PAX4: variants seen among roughly 807,000 people sequenced by gnomAD.
PAX4 encodes paired box 4, also known as paired box protein Pax-4.
Under a neutral mutation model 40.6 loss-of-function variants are expected in PAX4, and 33 were observed. The observed-to-expected ratio is 0.81, with a 90% CI of 0.62 to 1.09. The LOEUF (loss-of-function observed/expected upper bound fraction) is 1.09, where lower values mean the gene tolerates loss of function less well. PAX4 is among the 50% of genes least tolerant of loss of function. PAX4 has a pLI of 0.00. For synonymous variants in PAX4, 174 were observed against 170.6 expected, an observed-to-expected ratio of 1.02 and a Z score of -0.16; for missense variants, 459 against 442.5, an observed-to-expected ratio of 1.04 and a Z score of -0.33.
At chr7:127,615,782 A>C (rs1029467687) in intron 3 of PAX4, 134 bp downstream of exon 3, 2 of 1,516,236 alleles carry the variant, frequency 1.3e-6, no homozygotes, top group Non-Finnish European at 1.8e-6. Context: ...ACAGGGCAGG[A>C]AGGGAGGGAC....
At position 127,614,494 on chromosome 7, in the gene PAX4, G is replaced by T; in HGVS notation, c.424C>A (p.Leu142Ile). 6.3e-7 allele frequency: 1 copy of T among 1,595,694 alleles called. No homozygotes were observed. Among genetic ancestry groups the T allele is most frequent in the Non-Finnish European group, 8.5e-7 (1 of 1,170,538 alleles). ...QEDQGLPCTR[L>I]RSPAVLAPAV... The stretch of plus-strand genomic sequence containing the variant: ...CTCCAAGACCCACCTGGTGACCTGA[G>T]CCGTGTGCACGGTAGTCCCTGGTCC... The change falls in exon 6 of 12, where the codon CTC becomes ATC. Residue 142 changes from leucine (L) to isoleucine (I), a missense_variant. Leu to Ile is a conservative substitution (Grantham distance 5, BLOSUM62 2). Coordinates refer to ENST00000639438, the MANE Select transcript of PAX4 (RefSeq NM_001366110.1).
chr7:127,616,810 T>C (rs1469990614), intron 2 of PAX4, among the ~76,000 whole-genome samples: 2 of 152,202 alleles, frequency 1.3e-5, no homozygotes, highest in African/African-American at 4.8e-5. Flanking sequence ...TTGAAGGGAA[T>C]GAGAAGCAGG....
Position 127,611,200 on chromosome 7 carries a change from A to C in PAX4, c.920T>G (p.Leu307Trp). 1 of 1,598,458 alleles carries C rather than the reference A, an allele frequency of 6.3e-7. No individual in the cohort carries two copies. Among genetic ancestry groups the C allele is most frequent in the Non-Finnish European group, 8.5e-7 (1 of 1,172,782 alleles). Residue 307 changes from leucine (L) to tryptophan (W), a missense_variant, in exon 12 of 12, where the codon TTG becomes TGG. Coordinates refer to ENST00000639438, the MANE Select transcript of PAX4 (RefSeq NM_001366110.1). ...GTCCAGGGAATTCGGCTGTGGGGGC[A>C]AGTGGCCTGTGGGGACAAATAGAGA... ...KACLKPCWGH[L>W]PPQPNSLDSG...
At chr7:127,613,406 C>G in intron 8 of PAX4, 44 bp downstream of exon 8, 1 of 1,589,756 alleles carries the variant, frequency 6.3e-7, no homozygotes, top group Non-Finnish European at 8.6e-7. Flanking sequence ...CCGGCCCAGA[C>G]TCTTCCTCCT....
intron 9 of PAX4, 27 bp downstream of exon 9, chr7:127,612,995 A>G (rs759356147): frequency 1.3e-6 from 2 of 1,571,216 alleles, no homozygotes; most frequent in Middle Eastern, 2.2e-4. Flanking sequence ...CTGAGCGGGC[A>G]GATGGATGAT....
intron 2 of PAX4, 124 bp downstream of exon 2, chr7:127,617,151 C>T (rs1324309594): frequency 6.6e-6 from 1 of 152,228 alleles, no homozygotes; most frequent in Non-Finnish European, 1.5e-5. Flanking sequence ...AAAGTCTTTG[C>T]TCTCCAACAC....
chr7:127,617,241 A>T (rs1397628917), intron 2 of PAX4, 34 bp downstream of exon 2: 1 of 152,224 alleles, frequency 6.6e-6, no homozygotes, highest in Non-Finnish European at 1.5e-5. Flanking sequence ...GAGTCTACTT[A>T]TTAAGTTCAG....
intron 9 of PAX4, 49 bp downstream of exon 9, chr7:127,612,973 A>T: frequency 7.4e-7 from 1 of 1,358,598 alleles, no homozygotes; most frequent in East Asian, 2.3e-5. Flanking sequence ...GGATGGATGG[A>T]TGGATAGATG....
At chr7:127,612,909 G>T in intron 9 of PAX4, 113 bp downstream of exon 9, 1 of 798,906 alleles carries the variant, frequency 1.3e-6, no homozygotes, top group Non-Finnish European at 2.2e-6. Context: ...TACATGGGTG[G>T]ATGGATAAAT....
chr7:127,612,660 T>G, intron 9 of PAX4, among the ~76,000 whole-genome samples: 1 of 140,884 alleles, frequency 7.1e-6, no homozygotes, highest in East Asian at 2.3e-4. Context: ...GGTGGATGGG[T>G]GGGTGTGGTG....
Position 127,611,093 on chromosome 7 carries a change from C to A in PAX4, c.1027G>T (p.Gly343Cys). Reference sequence around the variant, plus strand: ...TCCAAGCCATACAGTAGTGGGCAGCCAGGCCAGAGCAGGGCCTGAGAGCCA... The same window carrying A: ...TCCAAGCCATACAGTAGTGGGCAGCAAGGCCAGAGCAGGGCCTGAGAGCCA... ...LSGSQALLWP[G>C]CPLLYGLE Residue 343 changes from glycine (G) to cysteine (C), a missense_variant, in exon 12 of 12, where the codon GGC (glycine) becomes TGC (cysteine). Transcript: ENST00000639438. The A allele has an allele frequency of 6.2e-7, 1 of 1,607,252 alleles. No individual in the cohort carries two copies. The highest frequency in any genetic ancestry group is 1.3e-5 in the African/African-American group (1 of 74,956).
intron 3 of PAX4, 136 bp from the exon 4 acceptor site, chr7:127,615,667 G>A: frequency 4.5e-6 from 7 of 1,561,164 alleles, no homozygotes; most frequent in Non-Finnish European, 5.2e-6. Context: ...CATCCTTGCT[G>A]CCCCCAGGCT....
At chr7:127,611,305 A>G (rs537097766) in intron 11 of PAX4, 99 bp from the exon 12 acceptor site, 4 of 1,313,778 alleles carry the variant, frequency 3.0e-6, no homozygotes, top group East Asian at 2.5e-5. Flanking sequence ...CCCACCCTGC[A>G]TATACACACT....
chr7:127,610,993 G>A lies in PAX4; in HGVS notation c.*71C>T, dbSNP rs1257408006. On this transcript the variant is annotated 3_prime_UTR_variant, in exon 12 of 12. Coordinates refer to ENST00000639438, the MANE Select transcript of PAX4 (RefSeq NM_001366110.1). ...GGAGGAAGGAGCCACAGTCTGTATGGGCAGGACGGTAAGGACAATGGGCAG... is the reference window on the plus strand; with the variant it reads ...GGAGGAAGGAGCCACAGTCTGTATGAGCAGGACGGTAAGGACAATGGGCAG... The A allele has an allele frequency of 4.5e-6, 7 of 1,554,308 alleles. No homozygotes were observed. The highest frequency in any genetic ancestry group is 6.1e-6 in the Non-Finnish European group (7 of 1,148,172).
At chr7:127,611,749 G>A in intron 10 of PAX4, 73 bp from the exon 11 acceptor site, 1 of 1,602,132 alleles carries the variant, frequency 6.2e-7, no homozygotes. Flanking sequence ...GGACCCCAGA[G>A]CTGCCTGCCA....
At chr7:127,613,928 T>G (rs1794680713) in intron 6 of PAX4, 47 bp from the exon 7 acceptor site, 1 of 1,610,090 alleles carries the variant, frequency 6.2e-7, no homozygotes, top group Non-Finnish European at 8.5e-7. Flanking sequence ...TGGTGATTCC[T>G]CTGGTCAGAT....
Position 127,615,878 on chromosome 7 carries a change from T to C in PAX4, c.13+38A>G, listed in dbSNP as rs1228043520. On this transcript the variant is annotated intron_variant, in intron 3 of 11. Transcript: ENST00000639438. ...CCCTGAGGTCTTCCCCTGTCTCTGT[T>C]GTCCTCCCTGTCTTCCCACTTCCCC... 3.3e-6 allele frequency: 5 copies of C among 1,535,986 alleles called. No homozygotes were observed. In the South Asian group the frequency reaches 5.9e-5, roughly 18 times the overall value.
chr7:127,613,997 CA>C, intron 6 of PAX4, 116 bp from the exon 7 acceptor site: 1 of 1,233,588 alleles, frequency 8.1e-7, no homozygotes, highest in Non-Finnish European at 1.2e-6. Flanking sequence ...AGAGCAGAGC[CA>C]AGCTGGTGGG....
At chr7:127,615,888 G>A in intron 3 of PAX4, 28 bp downstream of exon 3, 2 of 1,536,062 alleles carry the variant, frequency 1.3e-6, no homozygotes, top group Non-Finnish European at 1.7e-6. Flanking sequence ...TGTCCTCCCT[G>A]TCTTCCCACT....
Sources: gnomAD v4.1 joint callset for allele counts (sites outside exome capture counted in the v4.1 genomes callset) on GRCh38, gnomAD v4.1.1 for gene constraint, MANE v1.5 for transcripts, NCBI Gene and HGNC (gene_info 2026-07-23, HGNC 2026-07-21) for gene names.